Variants in GPC3 observed in about 807,000 individuals in gnomAD.
GPC3 encodes glypican-3.
GPC3 carries 3 observed loss-of-function variants against 34.4 expected under a neutral mutation model. The ratio of observed to expected loss-of-function variants is 0.09; its 90% CI spans 0.04 to 0.23. GPC3 has a LOEUF of 0.23. GPC3 is among the 10% of genes least tolerant of loss of function. The probability of loss-of-function intolerance (pLI) is 1.00; values close to 1 mark genes in which losing one functional copy is unlikely to be tolerated. For synonymous variants in GPC3, 177 were observed against 174.0 expected, an observed-to-expected ratio of 1.02 and a Z score of -0.13; for missense variants, 351 against 445.6, an observed-to-expected ratio of 0.79 and a Z score of 1.91.
rs751772745 is a variant in GPC3, at chrX:133,751,181, A to G, written c.1032+2301T>C. 4.5e-5 allele frequency among the ~76,000 whole-genome samples: 5 copies of G among 111,083 alleles called. No individual in the cohort carries two copies. In the East Asian group the frequency reaches 1.4e-3, roughly 31 times the overall value. ...TCAATTGTGTTGCTATGAAATGACC[A>G]ATATCAGAGGCAACCTTTGAACACT... On this transcript the variant is annotated intron_variant, in intron 3 of 7. Coordinates refer to ENST00000370818, the MANE Select transcript of GPC3 (RefSeq NM_004484.4).
Position 133,793,633 on chromosome X carries a change from C to T in GPC3, c.338-39457G>A, listed in dbSNP as rs774408008. On this transcript the variant is annotated intron_variant, in intron 2 of 7. Transcript: ENST00000370818. Reference sequence around the variant, plus strand: ...CACAACCCCTCAGGCCACAACTGCACGGCTGCTCACAATTCTAATAGCCTA... The same window carrying T: ...CACAACCCCTCAGGCCACAACTGCATGGCTGCTCACAATTCTAATAGCCTA... Among the ~76,000 whole-genome samples, 8 of 111,633 alleles carry T rather than the reference C, an allele frequency of 7.2e-5. No homozygotes were observed. In the South Asian group the frequency reaches 1.5e-3, roughly 21 times the overall value.
intron 2 of GPC3, among the ~76,000 whole-genome samples, chrX:133,857,387 C>T (rs950646515): frequency 8.9e-6 from 1 of 112,022 alleles, no homozygotes; most frequent in African/African-American, 3.2e-5. Context: ...TCTTTGGCTC[C>T]TGCTAGGTAT....
chrX:133,983,889 C>T (rs1469399057), intron 1 of GPC3, among the ~76,000 whole-genome samples: 2 of 112,284 alleles, frequency 1.8e-5, no homozygotes, highest in African/African-American at 6.5e-5. Flanking sequence ...TCCTGCAAAG[C>T]AATATTTAAC....
At chrX:133,613,084 T>C (rs1031964153) in intron 6 of GPC3, among the ~76,000 whole-genome samples, 2 of 111,391 alleles carry the variant, frequency 1.8e-5, no homozygotes, top group Non-Finnish European at 3.8e-5. Context: ...GAAAAAGGCT[T>C]TGGTACCTTA....
chrX:133,964,876 A>C (rs749393837), intron 1 of GPC3, among the ~76,000 whole-genome samples: 1 of 111,581 alleles, frequency 9.0e-6, no homozygotes, highest in Non-Finnish European at 1.9e-5. Flanking sequence ...AAATGAGTTA[A>C]CAGTAGTTGC....
chrX:133,661,191 C>CAAA lies in GPC3; in HGVS notation c.1413+538_1413+539insTTT, dbSNP rs762632917. Among the ~76,000 whole-genome samples, 213 of 106,146 alleles carry CAAA rather than the reference C, an allele frequency of 2.0e-3. 1 individual carries two copies. Among genetic ancestry groups the CAAA allele is most frequent in the African/African-American group, 8.0e-3 (204 of 25,620 alleles). 92.2% of individuals were successfully genotyped at this position (106,146 alleles called of 115,157 possible). A position where few individuals can be genotyped will look rare whatever the true frequency, so the allele number is the denominator to read the frequency against. On this transcript the variant is annotated intron_variant, in intron 6 of 7. Coordinates refer to ENST00000370818, the MANE Select transcript of GPC3 (RefSeq NM_004484.4). ...CTCAAAACAATACAAAACAAAACAACAATAACAAAAAGATTTGTGACAACA... is the reference window on the plus strand; with the variant it reads ...CTCAAAACAATACAAAACAAAACAACAAAAATAACAAAAAGATTTGTGACAACA...
At chrX:133,540,812 C>T (rs969384264) in intron 7 of GPC3, among the ~76,000 whole-genome samples, 4 of 110,613 alleles carry the variant, frequency 3.6e-5, no homozygotes, top group African/African-American at 1.3e-4. Context: ...GCAGAGGGTA[C>T]AGCCTGACCA....
intron 2 of GPC3, among the ~76,000 whole-genome samples, chrX:133,909,237 G>C (rs2076184911): frequency 1.8e-5 from 2 of 112,533 alleles, no homozygotes; most frequent in Non-Finnish European, 3.7e-5. Context: ...TGAATCCGCT[G>C]ATCAACCAGC....
At chrX:133,738,184 G>C (rs1372242173) in intron 3 of GPC3, among the ~76,000 whole-genome samples, 1 of 111,817 alleles carries the variant, frequency 8.9e-6, no homozygotes, top group Non-Finnish European at 1.9e-5. Flanking sequence ...CACTGGTCTC[G>C]AACTCCTGGG....
At chrX:133,850,245 A>G (rs1291504844) in intron 2 of GPC3, among the ~76,000 whole-genome samples, 2 of 86,903 alleles carry the variant, frequency 2.3e-5, no homozygotes, top group Non-Finnish European at 4.1e-5. Context: ...TCTTCCTTAC[A>G]GTTTAAGATG....
chrX:133,947,031 T>C (rs1381917507), intron 2 of GPC3, among the ~76,000 whole-genome samples: 1 of 111,787 alleles, frequency 8.9e-6, no homozygotes, highest in Non-Finnish European at 1.9e-5. Context: ...AAACATATGC[T>C]TCATTACTCC....
chrX:133,568,000 T>C (rs1026769740), intron 7 of GPC3, among the ~76,000 whole-genome samples: 1 of 112,264 alleles, frequency 8.9e-6, no homozygotes, highest in Non-Finnish European at 1.9e-5. Context: ...GGCTGAAAAC[T>C]TAACAATGCA....
chrX:133,878,392 A>G (rs2076026601), intron 2 of GPC3, among the ~76,000 whole-genome samples: 1 of 110,493 alleles, frequency 9.1e-6, no homozygotes, highest in African/African-American at 3.3e-5. Flanking sequence ...ACGCCATTGC[A>G]CTCCAGCCTG....
At chrX:133,836,619 C>G (rs2075800515) in intron 2 of GPC3, among the ~76,000 whole-genome samples, 1 of 112,031 alleles carries the variant, frequency 8.9e-6, no homozygotes, top group Non-Finnish European at 1.9e-5. Flanking sequence ...AACTTTGTAA[C>G]CATTGGCCCC....
At chrX:133,926,534 T>C (rs2124618237) in intron 2 of GPC3, among the ~76,000 whole-genome samples, 1 of 112,670 alleles carries the variant, frequency 8.9e-6, no homozygotes, top group African/African-American at 3.2e-5. Flanking sequence ...TGAAATATAA[T>C]TGAAACACAA....
rs534835431 is a variant in GPC3 at position 133,923,926 on chromosome X, G to A, written c.337+29124C>T. Among the ~76,000 whole-genome samples the A allele has an allele frequency of 5.1e-4, 57 of 111,735 alleles. No individual in the cohort carries two copies. The South Asian group carries it at 0.022, about 43-fold the overall frequency. ...ACAAATGCCAGGTACGTGAGGAAAT[G>A]GCAGTCCTGAGATGTTCTGCTTGGT... On this transcript the variant is annotated intron_variant, in intron 2 of 7. Transcript: ENST00000370818.
intron 1 of GPC3, among the ~76,000 whole-genome samples, chrX:133,954,777 C>T (rs1409687531): frequency 1.6e-5 from 1 of 60,752 alleles, no homozygotes; most frequent in African/African-American, 7.0e-5. Context: ...GATGGAGTTT[C>T]GCTCTTGTCG....
At chrX:133,633,922 A>G (rs760935469) in intron 6 of GPC3, among the ~76,000 whole-genome samples, 2 of 112,104 alleles carry the variant, frequency 1.8e-5, no homozygotes, top group East Asian at 5.6e-4. Context: ...AGACTGATGA[A>G]TACTTAGGAG....
intron 2 of GPC3, among the ~76,000 whole-genome samples, chrX:133,791,692 T>C (rs1380334014): frequency 1.8e-5 from 2 of 109,778 alleles, no homozygotes; most frequent in Non-Finnish European, 3.8e-5. Flanking sequence ...TCTAAATGGC[T>C]GTTCCCTCAC....
Sources: allele counts gnomAD v4.1 joint callset (sites outside exome capture counted in the v4.1 genomes callset), GRCh38; gene constraint gnomAD v4.1.1; transcripts MANE v1.5; gene names NCBI Gene and HGNC (gene_info 2026-07-23, HGNC 2026-07-21).